The following FMN2 variants were observed in gnomAD, a reference collection of about 807,000 sequenced individuals.
FMN2 encodes formin 2.
A neutral mutation model predicts 142.3 loss-of-function variants in FMN2; 51 were observed. That is an observed-to-expected ratio of 0.36 (90% CI 0.29 to 0.45). FMN2 has a LOEUF of 0.45. FMN2 is among the 20% of genes least tolerant of loss of function. The pLI, the probability that FMN2 is intolerant of heterozygous loss-of-function variation, is 1.00. For synonymous variants in FMN2, 882 were observed against 869.8 expected, an observed-to-expected ratio of 1.01 and a Z score of -0.25; for missense variants, 1,936 against 2,122.8, an observed-to-expected ratio of 0.91 and a Z score of 1.73.
At chr1:240,345,895 G>A (rs887282100) in intron 13 of FMN2, among the ~76,000 whole-genome samples, 5 of 152,062 alleles carry the variant, frequency 3.3e-5, no homozygotes, top group African/African-American at 1.2e-4. Flanking sequence ...CATTCATATT[G>A]ATAGCAACAG....
chr1:240,161,311 TAC>T (rs1664270056), intron 2 of FMN2, among the ~76,000 whole-genome samples: 3 of 151,500 alleles, frequency 2.0e-5, no homozygotes, highest in African/African-American at 7.3e-5. Flanking sequence ...GCAGGCGGAA[TAC>T]GAGGTCAGGA....
At chr1:240,357,887 G>A (rs1045623982) in intron 14 of FMN2, among the ~76,000 whole-genome samples, 14 of 152,250 alleles carry the variant, frequency 9.2e-5, no homozygotes, top group African/African-American at 2.4e-4. Context: ...GATTACAGGC[G>A]TGGGCCACCG....
chr1:240,166,725 A>G (rs1281205329), intron 2 of FMN2, among the ~76,000 whole-genome samples: 1 of 152,220 alleles, frequency 6.6e-6, no homozygotes, highest in Non-Finnish European at 1.5e-5. Flanking sequence ...TAAAAATGCA[A>G]GTAACATTGG....
rs180908171 is a variant in FMN2, at chr1:240,314,163, T to C, written c.4216-14913T>C. Among the ~76,000 whole-genome samples the C allele has an allele frequency of 1.7e-3, 262 of 152,274 alleles. 1 individual carries two copies. The highest frequency in any genetic ancestry group is 6.8e-3 in the Middle Eastern group (2 of 294). On this transcript the variant is annotated intron_variant, in intron 8 of 17. Transcript: ENST00000319653. The stretch of plus-strand genomic sequence containing the variant: ...ACAATTTTAATTATCATATAAGAAT[T>C]CCACTGCTAGCATTCTATGAATAGT...
At chr1:240,121,490 C>T (rs1662246635) in intron 1 of FMN2, among the ~76,000 whole-genome samples, 1 of 151,488 alleles carries the variant, frequency 6.6e-6, no homozygotes, top group African/African-American at 2.4e-5. Context: ...ATTCTCTTGC[C>T]TCAGCCTCCC....
At position 240,092,706 on chromosome 1, in the gene FMN2, C is replaced by T. The variant is rs1661030150; in HGVS notation, c.597C>T (p.Ile199=). The change falls in exon 1 of 18, where the codon ATC becomes ATT. Residue 199 remains isoleucine (I), a synonymous_variant. Coordinates refer to ENST00000319653, the MANE Select transcript of FMN2 (RefSeq NM_020066.5). ...ATEQEDLLSD[I]QQAIRLQQQQ... ...AGCAAGAGGATTTGCTTTCAGACATCCAGCAGGCGATCCGCCTGCAGCAGC... is the reference window on the plus strand; with the variant it reads ...AGCAAGAGGATTTGCTTTCAGACATTCAGCAGGCGATCCGCCTGCAGCAGC... 6.2e-7 allele frequency: 1 copy of T among 1,613,762 alleles called. No homozygotes were observed. Among genetic ancestry groups the T allele is most frequent in the Non-Finnish European group, 8.5e-7 (1 of 1,179,974 alleles).
intron 1 of FMN2, among the ~76,000 whole-genome samples, chr1:240,110,376 A>G (rs571838429): frequency 6.6e-6 from 1 of 152,332 alleles, no homozygotes; most frequent in East Asian, 1.9e-4. Context: ...AGATGCAGAA[A>G]TGCCTTTTAC....
At chr1:240,293,903 A>C (rs1669877235) in intron 7 of FMN2, among the ~76,000 whole-genome samples, 1 of 152,176 alleles carries the variant, frequency 6.6e-6, no homozygotes, top group Non-Finnish European at 1.5e-5. Flanking sequence ...AGAGTCAACT[A>C]GAAAATGTCT....
intron 16 of FMN2, chr1:240,459,077 A>T (rs1256292530): frequency 6.6e-6 from 1 of 152,198 alleles, no homozygotes; most frequent in Non-Finnish European, 1.5e-5. Flanking sequence ...GAAGCTTTAA[A>T]ATCCTAACAT....
chr1:240,423,967 A>C (rs761477596), intron 15 of FMN2, among the ~76,000 whole-genome samples: 1 of 152,210 alleles, frequency 6.6e-6, no homozygotes, highest in Non-Finnish European at 1.5e-5. Context: ...CAGAACATAA[A>C]AACAACTCAG....
chr1:240,393,012 T>C (rs1190580623), intron 15 of FMN2, among the ~76,000 whole-genome samples: 1 of 152,172 alleles, frequency 6.6e-6, no homozygotes, highest in African/African-American at 2.4e-5. Context: ...GAAATCTCCC[T>C]GCTTTTCTGC....
intron 15 of FMN2, among the ~76,000 whole-genome samples, chr1:240,403,979 A>T (rs1674070529): frequency 6.6e-6 from 1 of 152,236 alleles, no homozygotes; most frequent in African/African-American, 2.4e-5. Flanking sequence ...CACACATTTT[A>T]AAAAATAAAT....
intron 8 of FMN2, among the ~76,000 whole-genome samples, chr1:240,328,587 ATTTATTTATTTATTTATTTG>A (rs1295693771): frequency 1.9e-3 from 246 of 131,152 alleles, no homozygotes; most frequent in Admixed American, 4.6e-3. Flanking sequence ...TTATTTATTT[ATTTATTTATTTATTTATTTG>A]AGACAAGAGT....
chr1:240,465,330 CTGTGTGTGTGTGTGTGTGTGTGTGTG>C (rs58873062), intron 16 of FMN2, among the ~76,000 whole-genome samples: 21 of 131,670 alleles, frequency 1.6e-4, no homozygotes, highest in African/African-American at 3.4e-4. Context: ...ATGCCTCCCT[CTGTGTGTGTGTGTGTGTGTGTGTGTG>C]TGTGTGTGTG....
At chr1:240,178,229 T>C in intron 3 of FMN2, 161 bp downstream of exon 3, 1 of 782,384 alleles carries the variant, frequency 1.3e-6, no homozygotes, top group Non-Finnish European at 1.8e-6. Flanking sequence ...CTCTCTTTGT[T>C]CCTTTTGTTG....
At chr1:240,177,789 T>C (rs1664980529) in intron 2 of FMN2, 132 bp from the exon 3 acceptor site, 1 of 685,974 alleles carries the variant, frequency 1.5e-6, no homozygotes, top group Non-Finnish European at 2.1e-6. Context: ...ATAAAAATGC[T>C]GTTTTAATGT....
intron 2 of FMN2, among the ~76,000 whole-genome samples, chr1:240,167,806 G>T (rs914924315): frequency 1.3e-5 from 2 of 152,184 alleles, no homozygotes; most frequent in Non-Finnish European, 2.9e-5. Context: ...GCTGGGCACG[G>T]TGGCTCACAC....
At position 240,092,207 on chromosome 1, in the gene FMN2, A is replaced by T; in HGVS notation, c.98A>T (p.Glu33Val). 6.3e-7 allele frequency: 1 copy of T among 1,581,794 alleles called. No individual in the cohort carries two copies. Among genetic ancestry groups the T allele is most frequent in the Non-Finnish European group, 8.6e-7 (1 of 1,165,078 alleles). ...GATGCGCTGGGGCCCAGGGATGTGG[A>T]AGCCACAAAGAAGGGGAGCGGGGGC... ...AEDALGPRDV[E>V]ATKKGSGGKK... The change falls in exon 1 of 18, where the codon GAA becomes GTA. Residue 33 changes from glutamate to valine, a missense_variant. Around this residue, in one of 8 missense-constraint regions of FMN2, gnomAD observed 751 missense variants for 791.8 expected, o/e 0.95. Transcript: ENST00000319653.
At chr1:240,338,320 A>G (rs145779322) in intron 13 of FMN2, among the ~76,000 whole-genome samples, 4 of 152,302 alleles carry the variant, frequency 2.6e-5, no homozygotes, top group African/African-American at 9.6e-5. Context: ...TTGGCTTACA[A>G]CTACTAGTTT....
Sources: gnomAD v4.1 joint callset for allele counts (sites outside exome capture counted in the v4.1 genomes callset) on GRCh38, gnomAD v4.1.1 for gene constraint, gnomAD v4.1.1 regional missense constraint, MANE v1.5 for transcripts, NCBI Gene and HGNC (gene_info 2026-07-23, HGNC 2026-07-21) for gene names.